SPRY3: variants seen among roughly 807,000 people sequenced by gnomAD.
SPRY3 encodes protein sprouty homolog 3.
In SPRY3, 15 loss-of-function variants were observed where a neutral mutation model predicts 20.2. The ratio of observed to expected loss-of-function variants is 0.74; its 90% CI spans 0.50 to 1.14. SPRY3 has a LOEUF of 1.14. SPRY3 is among the 50% of genes most tolerant of loss of function. SPRY3 has a pLI of 0.00. For synonymous variants in SPRY3, 143 were observed against 136.5 expected (o/e 1.05, Z -0.33); for missense variants, 364 against 363.9 (o/e 1.00, Z 0.00).
downstream of SPRY3, chrX:155,777,431 G>C (rs1378031560): frequency 1.2e-5 from 2 of 166,626 alleles, no homozygotes; most frequent in Non-Finnish European, 2.9e-5. Flanking sequence ...TTCTCAGTGT[G>C]TTTCTAAATG....
At chrX:155,759,529 CTA>C (rs1033838848) in intron 2 of SPRY3, among the ~76,000 whole-genome samples, 5 of 151,578 alleles carry the variant, frequency 3.3e-5, no homozygotes, top group Non-Finnish European at 7.4e-5. Context: ...TAACATATCG[CTA>C]TATATATATC....
At chrX:155,773,958 A>C in exon 4 of SPRY3, 1 of 1,613,940 alleles carries the variant, frequency 6.2e-7, no homozygotes, top group Non-Finnish European at 8.5e-7. Context: ...ACTACGTGGA[A>C]CGGCCTCCAG....
intron 2 of SPRY3, among the ~76,000 whole-genome samples, chrX:155,767,632 G>A: frequency 6.8e-6 from 1 of 147,738 alleles, no homozygotes; most frequent in East Asian, 2.0e-4. Context: ...GAAAATACTG[G>A]AGGGGGAGGG....
chrX:155,694,183 C>A (rs1214512450), intron 2 of SPRY3, among the ~76,000 whole-genome samples: 1 of 111,850 alleles, frequency 8.9e-6, no homozygotes, highest in Non-Finnish European at 1.9e-5. Flanking sequence ...TTTGTTCCCT[C>A]TGTTTTATTG....
chrX:155,743,975 A>G (rs182910850), intron 2 of SPRY3, among the ~76,000 whole-genome samples: 1 of 152,226 alleles, frequency 6.6e-6, no homozygotes, highest in African/African-American at 2.4e-5. Context: ...TCATCTATTC[A>G]TAAAAGGCAA....
chrX:155,774,023 C>G (rs2091402924), exon 4 of SPRY3: 1 of 1,613,908 alleles, frequency 6.2e-7, no homozygotes. Flanking sequence ...ACCCACAAGT[C>G]TGATTGGTCT....
exon 3 of SPRY3, chrX:155,767,987 T>C (rs1429819814): frequency 6.6e-6 from 1 of 152,244 alleles, no homozygotes; most frequent in Non-Finnish European, 1.5e-5. Context: ...TCTCTGTTTC[T>C]GGCTCCACTG....
intron 2 of SPRY3, among the ~76,000 whole-genome samples, chrX:155,714,610 C>A (rs1298031219): frequency 6.6e-6 from 1 of 152,144 alleles, no homozygotes; most frequent in Non-Finnish European, 1.5e-5. Flanking sequence ...TGTGCTGGGT[C>A]AGACCTGAAG....
intron 2 of SPRY3, among the ~76,000 whole-genome samples, chrX:155,725,459 T>C (rs1297534490): frequency 6.6e-6 from 1 of 152,260 alleles, no homozygotes; most frequent in East Asian, 1.9e-4. Flanking sequence ...GGACGTTTTT[T>C]TGGTTGGTGG....
At chrX:155,747,964 A>G (rs759254445) in intron 2 of SPRY3, among the ~76,000 whole-genome samples, 2 of 152,060 alleles carry the variant, frequency 1.3e-5, no homozygotes, top group African/African-American at 2.4e-5. Context: ...CTTGATCAGT[A>G]TAATTATATA....
At chrX:155,642,592 T>C (rs2067945584) in intron 1 of SPRY3, among the ~76,000 whole-genome samples, 1 of 111,719 alleles carries the variant, frequency 9.0e-6, no homozygotes, top group Non-Finnish European at 1.9e-5. Context: ...GAAATTCTTC[T>C]TTTTTAATGT....
chrX:155,705,152 T>C (rs2090941485), intron 2 of SPRY3, among the ~76,000 whole-genome samples: 1 of 151,412 alleles, frequency 6.6e-6, no homozygotes, highest in South Asian at 2.1e-4. Context: ...TAACTCACTG[T>C]CTAAAGAAAA....
intron 3 of SPRY3, among the ~76,000 whole-genome samples, chrX:155,772,665 C>A (rs922042053): frequency 1.3e-4 from 20 of 151,918 alleles, no homozygotes; most frequent in Admixed American, 5.3e-4. Context: ...CAGTATTTTC[C>A]CCATGGTCAT....
intron 2 of SPRY3, among the ~76,000 whole-genome samples, chrX:155,745,458 G>C: frequency 6.6e-6 from 1 of 152,160 alleles, no homozygotes; most frequent in East Asian, 1.9e-4. Flanking sequence ...GAATATAAGA[G>C]ACAAAATCTT....
At chrX:155,750,004 G>A (rs936656825) in intron 2 of SPRY3, among the ~76,000 whole-genome samples, 1 of 151,716 alleles carries the variant, frequency 6.6e-6, no homozygotes, top group African/African-American at 2.4e-5. Flanking sequence ...AATAGAAGAG[G>A]ACCAAGGATT....
chrX:155,673,148 G>A (rs2068048702), intron 2 of SPRY3, among the ~76,000 whole-genome samples: 2 of 101,715 alleles, frequency 2.0e-5, no homozygotes, highest in Non-Finnish European at 4.0e-5. Context: ...ACACCAGCAT[G>A]GCACATGTAT....
At chrX:155,734,242 G>C (rs2091153394) in intron 2 of SPRY3, among the ~76,000 whole-genome samples, 1 of 151,912 alleles carries the variant, frequency 6.6e-6, no homozygotes, top group Non-Finnish European at 1.5e-5. Context: ...CCTTTCATTT[G>C]AACATGTAAA....
At chrX:155,686,208 A>T (rs2068087370) in intron 2 of SPRY3, among the ~76,000 whole-genome samples, 1 of 111,258 alleles carries the variant, frequency 9.0e-6, no homozygotes, top group African/African-American at 3.3e-5. Flanking sequence ...CCCACTAGAT[A>T]ATTTTCATAA....
rs992844648 is a variant in SPRY3 at position 155,654,280 on chromosome X, A to G, written c.-440-2587A>G. Among the ~76,000 whole-genome samples, 36 of 112,027 alleles carry G rather than the reference A, an allele frequency of 3.2e-4. No homozygotes were observed. In the Admixed American group the frequency reaches 3.4e-3, roughly 11 times the overall value. ...AAGTGGTTATTGATTTTTAAAATGT[A>G]TATCTACCATATTTGGTAACTATTT... On this transcript the variant is annotated intron_variant, in intron 1 of 3. Coordinates refer to ENST00000675360, the Ensembl canonical transcript of SPRY3.
Sources: gnomAD v4.1 joint callset for allele counts (sites outside exome capture counted in the v4.1 genomes callset) on GRCh38, gnomAD v4.1.1 for gene constraint, MANE v1.5 for transcripts, NCBI Gene and HGNC (gene_info 2026-07-23, HGNC 2026-07-21) for gene names.